Variants in ARB2A observed in about 807,000 individuals in gnomAD.
The protein encoded by ARB2A is ARB2 cotranscriptional regulator A.
At chr5:93,916,306 A>G in the ARB2A span, among the ~76,000 whole-genome samples, 1 of 152,164 alleles carries the variant, frequency 6.6e-6, no homozygotes, top group Non-Finnish European at 1.5e-5. Flanking sequence ...AGAAACTAAG[A>G]ATTACTATTT....
the ARB2A span, among the ~76,000 whole-genome samples, chr5:94,080,177 AAAAC>A: frequency 6.6e-6 from 1 of 152,170 alleles, no homozygotes; most frequent in Non-Finnish European, 1.5e-5. Flanking sequence ...AAATTTTAGA[AAAAC>A]AGAGTATGTC....
At chr5:93,636,301 T>C in the ARB2A span, among the ~76,000 whole-genome samples, 1 of 152,226 alleles carries the variant, frequency 6.6e-6, no homozygotes, top group South Asian at 2.1e-4. Context: ...ATAATTGATA[T>C]ATTTAAAATA....
At chr5:94,102,713 T>A in the ARB2A span, among the ~76,000 whole-genome samples, 1 of 151,940 alleles carries the variant, frequency 6.6e-6, no homozygotes, top group African/African-American at 2.4e-5. Flanking sequence ...AGACAAATAG[T>A]CTTCAGATTC....
the ARB2A span, among the ~76,000 whole-genome samples, chr5:93,775,112 A>G: frequency 3.9e-5 from 6 of 151,920 alleles, no homozygotes; most frequent in African/African-American, 1.2e-4. Context: ...CTGTGGTTGA[A>G]CCCTGGCTTA....
the ARB2A span, among the ~76,000 whole-genome samples, chr5:93,693,940 A>C: frequency 1.3e-5 from 2 of 152,202 alleles, no homozygotes; most frequent in Admixed American, 6.5e-5. Context: ...ATGAAAAAAA[A>C]CCACATGATT....
chr5:93,801,255 G>A, the ARB2A span, among the ~76,000 whole-genome samples: 1 of 152,116 alleles, frequency 6.6e-6, no homozygotes, highest in African/African-American at 2.4e-5. Context: ...TACTGTATGG[G>A]ACACTGGATA....
chr5:93,904,024 A>G, the ARB2A span, among the ~76,000 whole-genome samples: 2 of 151,934 alleles, frequency 1.3e-5, no homozygotes, highest in Non-Finnish European at 2.9e-5. Context: ...TTCGGGAGGT[A>G]CAGGCAGAAA....
chr5:94,093,412 G>T, the ARB2A span, among the ~76,000 whole-genome samples: 1 of 152,140 alleles, frequency 6.6e-6, no homozygotes, highest in African/African-American at 2.4e-5. Context: ...TTCTGGTGAA[G>T]GCTCTCTTTC....
the ARB2A span, among the ~76,000 whole-genome samples, chr5:93,670,544 A>C: frequency 3.9e-5 from 6 of 152,246 alleles, no homozygotes; most frequent in Admixed American, 2.6e-4. Flanking sequence ...AGGGCCATGT[A>C]CCATGTCTGT....
the ARB2A span, among the ~76,000 whole-genome samples, chr5:93,783,286 T>A: frequency 3.7e-4 from 56 of 152,256 alleles, no homozygotes; most frequent in Non-Finnish European, 2.9e-5. Flanking sequence ...GAAAAGATTT[T>A]AAAAACCCAT....
chr5:93,896,469 A>G, the ARB2A span, among the ~76,000 whole-genome samples: 1 of 152,084 alleles, frequency 6.6e-6, no homozygotes, highest in African/African-American at 2.4e-5. Context: ...AATGTAAATG[A>G]ATTTTGTGTT....
At chr5:93,798,049 T>C in the ARB2A span, among the ~76,000 whole-genome samples, 1 of 152,094 alleles carries the variant, frequency 6.6e-6, no homozygotes, top group Non-Finnish European at 1.5e-5. Flanking sequence ...GGAACGTTTA[T>C]TGTAATCAGA....
chr5:93,925,367 A>C, the ARB2A span, among the ~76,000 whole-genome samples: 1 of 152,196 alleles, frequency 6.6e-6, no homozygotes, highest in Non-Finnish European at 1.5e-5. Flanking sequence ...AAACTACCCA[A>C]ATTAAAGTTG....
the ARB2A span, among the ~76,000 whole-genome samples, chr5:93,711,289 T>A: frequency 2.0e-5 from 3 of 151,822 alleles, no homozygotes; most frequent in African/African-American, 7.3e-5. Context: ...ATTTGAATTT[T>A]TTAAAAAAAA....
chr5:94,010,067 C>T, the ARB2A span, among the ~76,000 whole-genome samples: 2 of 151,846 alleles, frequency 1.3e-5, no homozygotes, highest in Admixed American at 6.6e-5. Flanking sequence ...TTACCTTCAT[C>T]ATTTCTTTCT....
the ARB2A span, chr5:93,741,097 C>A: frequency 6.2e-7 from 1 of 1,613,856 alleles, no homozygotes; most frequent in Non-Finnish European, 8.5e-7. Context: ...AAGCACCTTC[C>A]CAAACAGAGC....
chr5:93,922,923 T>C, the ARB2A span, among the ~76,000 whole-genome samples: 2 of 152,124 alleles, frequency 1.3e-5, no homozygotes, highest in Non-Finnish European at 2.9e-5. Flanking sequence ...TGGTACCGTA[T>C]AGAAACATTT....
the ARB2A span, among the ~76,000 whole-genome samples, chr5:93,745,701 A>G: frequency 6.6e-6 from 1 of 152,016 alleles, no homozygotes; most frequent in Admixed American, 6.6e-5. Context: ...TTTGACTGCA[A>G]TAAAGCAACA....
chr5:94,108,242 C>T, the ARB2A span, among the ~76,000 whole-genome samples: 1 of 151,998 alleles, frequency 6.6e-6, no homozygotes, highest in African/African-American at 2.4e-5. Flanking sequence ...CACAGTCAGC[C>T]ATTTAATATA....
Sources: allele counts gnomAD v4.1 joint callset (sites outside exome capture counted in the v4.1 genomes callset), GRCh38; gene constraint gnomAD v4.1.1; transcripts MANE v1.5; gene names NCBI Gene and HGNC (gene_info 2026-07-23, HGNC 2026-07-21).